KLHL14: variants seen among roughly 807,000 people sequenced by gnomAD.
KLHL14 encodes the protein kelch like family member 14, also known as kelch-like protein 14.
KLHL14 carries 22 observed loss-of-function variants against 64.3 expected under a neutral mutation model. That is an observed-to-expected ratio of 0.34 (90% CI 0.24 to 0.49). KLHL14 has a LOEUF of 0.49. KLHL14 is among the 20% of genes least tolerant of loss of function. KLHL14 has a pLI of 0.99. For synonymous variants in KLHL14, 322 were observed against 333.4 expected (o/e 0.97, Z 0.37); for missense variants, 661 against 789.0 (o/e 0.84, Z 1.94).
At chr18:32,694,505 C>G (rs923693763) in intron 4 of KLHL14, among the ~76,000 whole-genome samples, 3 of 152,190 alleles carry the variant, frequency 2.0e-5, no homozygotes, top group Non-Finnish European at 4.4e-5. Flanking sequence ...CACAACAAAG[C>G]TGCAGGTCTT....
intron 4 of KLHL14, among the ~76,000 whole-genome samples, chr18:32,691,077 CA>C (rs1296458350): frequency 6.6e-6 from 1 of 152,144 alleles, no homozygotes; most frequent in African/African-American, 2.4e-5. Flanking sequence ...ATTCTTACGT[CA>C]AGTTCCAAGG....
intron 8 of KLHL14, among the ~76,000 whole-genome samples, chr18:32,676,347 A>G (rs1199399427): frequency 6.6e-6 from 1 of 152,162 alleles, no homozygotes; most frequent in Non-Finnish European, 1.5e-5. Context: ...GAGTCAGGGT[A>G]ATGTTCTAGA....
At chr18:32,697,063 C>T (rs189839538) in intron 3 of KLHL14, among the ~76,000 whole-genome samples, 159 of 152,230 alleles carry the variant, frequency 1.0e-3, no homozygotes, top group Non-Finnish European at 1.9e-3. Context: ...GTGGTTTGCG[C>T]GGTCCATGAA....
At chr18:32,701,972 G>A (rs1010662042) in intron 3 of KLHL14, among the ~76,000 whole-genome samples, 1 of 152,144 alleles carries the variant, frequency 6.6e-6, no homozygotes, top group African/African-American at 2.4e-5. Flanking sequence ...TTGCCAGTAT[G>A]GTGAGTGAAC....
At chr18:32,719,044 G>A (rs2050061369) in intron 3 of KLHL14, among the ~76,000 whole-genome samples, 1 of 152,170 alleles carries the variant, frequency 6.6e-6, no homozygotes, top group Non-Finnish European at 1.5e-5. Context: ...TGCCTCCCGA[G>A]TTCAAGTGAT....
intron 4 of KLHL14, among the ~76,000 whole-genome samples, chr18:32,690,045 A>G (rs993742529): frequency 1.3e-5 from 2 of 152,124 alleles, no homozygotes; most frequent in Non-Finnish European, 2.9e-5. Flanking sequence ...GAGGGAAGAG[A>G]GTTAGGTTTA....
chr18:32,727,711 T>C (rs1052693142), intron 3 of KLHL14, among the ~76,000 whole-genome samples: 26 of 152,212 alleles, frequency 1.7e-4, no homozygotes, highest in African/African-American at 6.3e-4. Context: ...GAAATGTTTA[T>C]GTACACACAA....
intron 3 of KLHL14, among the ~76,000 whole-genome samples, chr18:32,700,718 G>A (rs2144490559): frequency 1.3e-5 from 2 of 152,276 alleles, no homozygotes; most frequent in South Asian, 4.1e-4. Flanking sequence ...GTCAGGGGAA[G>A]CACACAACAA....
At chr18:32,702,821 C>A (rs887924620) in intron 3 of KLHL14, among the ~76,000 whole-genome samples, 2 of 152,080 alleles carry the variant, frequency 1.3e-5, no homozygotes, top group African/African-American at 4.8e-5. Flanking sequence ...TCTCCCTTAC[C>A]TCCTACTTGT....
chr18:32,689,942 A>T (rs904685622), intron 4 of KLHL14, among the ~76,000 whole-genome samples: 2 of 152,216 alleles, frequency 1.3e-5, no homozygotes, highest in African/African-American at 4.8e-5. Context: ...AGAAAGGCAC[A>T]TTGACCACAG....
intron 2 of KLHL14, among the ~76,000 whole-genome samples, chr18:32,754,174 G>T (rs139207332): frequency 6.6e-6 from 1 of 152,150 alleles, no homozygotes; most frequent in Non-Finnish European, 1.5e-5. Context: ...GCCTAGTGAC[G>T]AAAGGAGATA....
At position 32,680,522 on chromosome 18, in the gene KLHL14, G is replaced by A. The variant is rs1379034257; in HGVS notation, c.1316C>T (p.Ser439Phe). 2 of 1,613,702 alleles carry A rather than the reference G, an allele frequency of 1.2e-6. No homozygotes were observed. The highest frequency in any genetic ancestry group is 1.7e-6 in the Non-Finnish European group (2 of 1,179,888). ...IGGRNETGYL[S>F]SVECYNLETN... ...TTCTAGGTTATAGCACTCCACGCTG[G>A]ACAAGTAGCCAGTTTCATTCCTTCC... Residue 439 changes from serine to phenylalanine, a missense_variant, in exon 6 of 9, where the codon TCC becomes TTC. By Grantham distance (155) the Ser-to-Phe change is radical (BLOSUM62 -2). This residue lies in a region of KLHL14 where 330 missense variants were observed against 450.0 expected (regional missense o/e 0.73). Transcript: ENST00000359358. This position sits in a 1 kb window ranked among gnomAD's most constrained non-coding sequence, Gnocchi z 4.8.
In KLHL14 at chr18:32,673,114, C is replaced by T. The variant is rs190880528; in HGVS notation, c.*1543G>A. On this transcript the variant is annotated 3_prime_UTR_variant, in exon 9 of 9. Coordinates refer to ENST00000359358, the MANE Select transcript of KLHL14 (RefSeq NM_020805.3). ...TATTTATATATATATATTTTTACAA[C>T]GGATCCTTTGGATCTGAACATACAA... The T allele has an allele frequency of 7.9e-5, 12 of 152,488 alleles. No homozygotes were observed. The highest frequency in any genetic ancestry group is 1.9e-4 in the East Asian group (1 of 5,172). 9.4% of individuals were successfully genotyped at this position (152,488 alleles called of 1,614,324 possible). A position where few individuals can be genotyped will look rare whatever the true frequency, so the allele number is the denominator to read the frequency against.
chr18:32,689,198 C>T (rs1302495635), intron 4 of KLHL14, among the ~76,000 whole-genome samples: 1 of 151,894 alleles, frequency 6.6e-6, no homozygotes, highest in Admixed American at 6.6e-5. Context: ...TGGCTAAGTG[C>T]GGCTATGGGT....
intron 4 of KLHL14, among the ~76,000 whole-genome samples, chr18:32,690,056 A>C (rs542995675): frequency 3.6e-4 from 55 of 152,266 alleles, no homozygotes; most frequent in African/African-American, 1.2e-3. Context: ...GTTAGGTTTA[A>C]CCAGGACTAG....
chr18:32,680,197 C>T lies in KLHL14; in HGVS notation c.1560G>A (p.Leu520=), dbSNP rs2049831200. The T allele has an allele frequency of 1.9e-6, 3 of 1,613,696 alleles. No individual in the cohort carries two copies. The highest frequency in any genetic ancestry group is 2.5e-6 in the Non-Finnish European group (3 of 1,179,764). Residue 520 remains leucine, a synonymous_variant, in exon 7 of 9, where the codon TTG becomes TTA. Transcript: ENST00000359358. The surrounding 1 kb of genome is among the most constrained non-coding windows in gnomAD (Gnocchi z 4.8). The part of the protein sequence containing the change: ...IHTLAVMNDR[L]YAIGGNHLKG... ...TCAAATGATTTCCTCCAATTGCATACAAGCGATCATTCATTACAGCCAAAG... is the reference window on the plus strand; with the variant it reads ...TCAAATGATTTCCTCCAATTGCATATAAGCGATCATTCATTACAGCCAAAG...
At chr18:32,690,176 A>C (rs1164992497) in intron 4 of KLHL14, among the ~76,000 whole-genome samples, 1 of 152,202 alleles carries the variant, frequency 6.6e-6, no homozygotes, top group East Asian at 1.9e-4. Context: ...TAAAACGGGA[A>C]GTAAGGACAC....
At chr18:32,705,043 T>C in intron 3 of KLHL14, among the ~76,000 whole-genome samples, 1 of 152,210 alleles carries the variant, frequency 6.6e-6, no homozygotes, top group East Asian at 1.9e-4. Context: ...GTAAATGTCA[T>C]TACTGGGAAA....
chr18:32,750,782 C>T (rs1225254704), intron 2 of KLHL14, among the ~76,000 whole-genome samples: 1 of 152,152 alleles, frequency 6.6e-6, no homozygotes, highest in Non-Finnish European at 1.5e-5. Context: ...CTGGATTCAG[C>T]TGGGTTGGTT....
Sources: gnomAD v4.1 joint callset for allele counts (sites outside exome capture counted in the v4.1 genomes callset) on GRCh38, gnomAD v4.1.1 for gene constraint, gnomAD v4.1.1 regional missense constraint, Gnocchi (gnomAD v3.1) non-coding constraint, MANE v1.5 for transcripts, NCBI Gene and HGNC (gene_info 2026-07-23, HGNC 2026-07-21) for gene names.